ESYT2: variants seen among roughly 807,000 people sequenced by gnomAD.
ESYT2 encodes extended synaptotagmin 2.
In ESYT2, 54 loss-of-function variants were observed where a neutral mutation model predicts 107.2. The ratio of observed to expected loss-of-function variants is 0.50; its 90% confidence interval spans 0.40 to 0.63. The LOEUF (loss-of-function observed/expected upper bound fraction) is 0.63, where lower values mean the gene tolerates loss of function less well. Ranked by LOEUF, ESYT2 falls within the 30% of genes least tolerant of loss-of-function variation. The pLI, the probability that ESYT2 is intolerant of heterozygous loss-of-function variation, is 0.00. For missense variants in ESYT2, 1,020 were observed against 1,094.5 expected (o/e 0.93, Z 0.96); for synonymous variants, 491 against 434.1 (o/e 1.13, Z -1.63).
intron 18 of ESYT2, among the ~76,000 whole-genome samples, chr7:158,740,125 G>T (rs1414267891): frequency 6.6e-6 from 1 of 152,230 alleles, no homozygotes; most frequent in East Asian, 1.9e-4. Context: ...ACTGACGAGA[G>T]GCTGATTTCA....
At chr7:158,828,047 CCA>C (rs200333020) in intron 1 of ESYT2, among the ~76,000 whole-genome samples, 1 of 151,756 alleles carries the variant, frequency 6.6e-6, no homozygotes, top group African/African-American at 2.4e-5. Context: ...AAACTTCCTG[CCA>C]CACACACACA....
At chr7:158,809,474 CAAAAAAAAAAAA>C (rs67422901) in intron 1 of ESYT2, among the ~76,000 whole-genome samples, 1 of 49,742 alleles carries the variant, frequency 2.0e-5, no homozygotes, top group Non-Finnish European at 3.3e-5. Context: ...GAATCCATCT[CAAAAAAAAAAAA>C]AAAAAAAAAA....
At chr7:158,791,412 C>T (rs905950024) in intron 4 of ESYT2, among the ~76,000 whole-genome samples, 4 of 152,172 alleles carry the variant, frequency 2.6e-5, no homozygotes, top group African/African-American at 4.8e-5. Flanking sequence ...CTGCTCAAGT[C>T]CCGGCTTTCA....
At chr7:158,821,139 G>T (rs1015364160) in intron 1 of ESYT2, among the ~76,000 whole-genome samples, 7 of 152,162 alleles carry the variant, frequency 4.6e-5, no homozygotes, top group Non-Finnish European at 1.0e-4. Flanking sequence ...AGAAATTAGT[G>T]ACAGGAAGAA....
At chr7:158,740,690 A>G (rs1563616953) in intron 18 of ESYT2, among the ~76,000 whole-genome samples, 1 of 152,130 alleles carries the variant, frequency 6.6e-6, no homozygotes, top group South Asian at 2.1e-4. Flanking sequence ...TTAAAATTCT[A>G]TTTCCTTCTG....
chr7:158,741,462 C>T (rs1228463169), intron 18 of ESYT2, 61 bp downstream of exon 18: 19 of 1,391,788 alleles, frequency 1.4e-5, no homozygotes, highest in Non-Finnish European at 1.7e-5. Context: ...GACTCTCCCC[C>T]AGCGTGGGGT....
At chr7:158,743,772 G>A (rs1477084660) in intron 16 of ESYT2, 94 bp from the exon 17 acceptor site, 2 of 1,379,698 alleles carry the variant, frequency 1.4e-6, no homozygotes, top group Admixed American at 3.1e-5. Flanking sequence ...TGTCCTCAGA[G>A]ATAGGAACTT....
chr7:158,814,305 AT>A (rs57527388), intron 1 of ESYT2, among the ~76,000 whole-genome samples: 4 of 107,368 alleles, frequency 3.7e-5, no homozygotes, highest in South Asian at 3.1e-4. Flanking sequence ...ATATATATAT[AT>A]ATATATATAT....
chr7:158,767,163 G>T (rs1365600989), intron 8 of ESYT2, among the ~76,000 whole-genome samples: 2 of 152,146 alleles, frequency 1.3e-5, no homozygotes, highest in African/African-American at 4.8e-5. Flanking sequence ...TTTATCCAGG[G>T]CAGCTGTTGT....
intron 1 of ESYT2, among the ~76,000 whole-genome samples, chr7:158,810,652 A>C (rs1224023564): frequency 6.6e-6 from 1 of 151,998 alleles, no homozygotes; most frequent in Non-Finnish European, 1.5e-5. Flanking sequence ...ACTGCGCTCC[A>C]GCCTGGGTGA....
chr7:158,811,013 G>A (rs779935553), intron 1 of ESYT2, among the ~76,000 whole-genome samples: 3 of 151,604 alleles, frequency 2.0e-5, no homozygotes, highest in Non-Finnish European at 4.4e-5. Flanking sequence ...AAACAAAAGG[G>A]GTAAGGCGCA....
intron 6 of ESYT2, among the ~76,000 whole-genome samples, chr7:158,784,700 C>T (rs559832108): frequency 6.6e-5 from 10 of 152,296 alleles, no homozygotes; most frequent in South Asian, 2.1e-4. Flanking sequence ...TAAATAAATT[C>T]GTCTCCTTTT....
intron 14 of ESYT2, 75 bp from the exon 15 acceptor site, chr7:158,749,798 C>CT: frequency 7.3e-7 from 1 of 1,364,748 alleles, no homozygotes; most frequent in South Asian, 1.2e-5. Context: ...AATGAAATTA[C>CT]TGGCTTATAT....
At chr7:158,739,426 A>C (rs533850944) in intron 18 of ESYT2, among the ~76,000 whole-genome samples, 6 of 152,228 alleles carry the variant, frequency 3.9e-5, no homozygotes, top group South Asian at 4.2e-4. Context: ...GGCTCACTGT[A>C]ACCTCCGCCT....
chr7:158,765,756 C>CA (rs1285853307), intron 8 of ESYT2, among the ~76,000 whole-genome samples: 2 of 151,332 alleles, frequency 1.3e-5, no homozygotes, highest in Admixed American at 1.3e-4. Flanking sequence ...AATAAACGAA[C>CA]AAAAAAACCA....
intron 17 of ESYT2, among the ~76,000 whole-genome samples, chr7:158,742,686 C>G (rs992881915): frequency 6.6e-6 from 1 of 152,234 alleles, no homozygotes; most frequent in East Asian, 1.9e-4. Context: ...CTGGCTTGAG[C>G]AGAGTCCACA....
chr7:158,779,161 T>A (rs962194678), intron 6 of ESYT2, among the ~76,000 whole-genome samples: 2 of 152,116 alleles, frequency 1.3e-5, no homozygotes, highest in African/African-American at 4.8e-5. Context: ...TTCTTGCCTA[T>A]CAAAACAAAA....
At chr7:158,773,905 T>C (rs549913957) in intron 6 of ESYT2, among the ~76,000 whole-genome samples, 1 of 152,300 alleles carries the variant, frequency 6.6e-6, no homozygotes, top group East Asian at 1.9e-4. Context: ...CCAAAAACAA[T>C]ACTAAAAGCC....
Position 158,741,611 on chromosome 7 carries a change from C to T in ESYT2, c.2080G>A (p.Val694Ile), listed in dbSNP as rs765193309. The T allele has an allele frequency of 6.2e-7, 1 of 1,612,972 alleles. No individual in the cohort carries two copies. Among genetic ancestry groups the T allele is most frequent in the Admixed American group, 1.7e-5 (1 of 60,016 alleles). ...GCGATGCTGGGGGTCGGCTCCTTGA[C>T]TGAGATGTGGCCTGGGGAGGCCAGG... ...SLLASPGHIS[V>I]KEPTPSIASD... The change falls in exon 18 of 23, where the codon GTC becomes ATC. Residue 694 changes from valine to isoleucine, a missense_variant. Transcript: ENST00000275418.
Sources: allele counts gnomAD v4.1 joint callset (sites outside exome capture counted in the v4.1 genomes callset), GRCh38; gene constraint gnomAD v4.1.1; transcripts MANE v1.5; gene names NCBI Gene and HGNC (gene_info 2026-07-23, HGNC 2026-07-21).